Variants in CIMAP2 observed in about 807,000 individuals in gnomAD.
CIMAP2 encodes ciliary microtubule-associated protein 2.
the CIMAP2 span, chr1:54,811,765 G>GCCGGCGGGGGGGGGGGGCCCCCCC: frequency 7.7e-7 from 1 of 1,301,332 alleles, no homozygotes; most frequent in East Asian, 2.5e-5. Flanking sequence ...GGTTCTGACA[G>GCCGGCGGGGGGGGGGGGCCCCCCC]CCTCCATGCC....
chr1:54,811,773 G>GCCCTC, the CIMAP2 span: 3 of 1,325,052 alleles, frequency 2.3e-6, no homozygotes, highest in African/African-American at 1.8e-5. Flanking sequence ...CAGCCTCCAT[G>GCCCTC]CCCCCACCCC....
the CIMAP2 span, chr1:54,815,182 A>C: frequency 1.1e-5 from 14 of 1,239,226 alleles, no homozygotes; most frequent in Non-Finnish European, 1.6e-5. Context: ...CCTGAGGTCC[A>C]CTCCCACTGT....
chr1:54,828,340 C>A, the CIMAP2 span, among the ~76,000 whole-genome samples: 1 of 151,250 alleles, frequency 6.6e-6, no homozygotes, highest in South Asian at 2.1e-4. Context: ...TTTTTTTAGA[C>A]AGGGTCTTGC....
the CIMAP2 span, chr1:54,806,200 C>A: frequency 6.5e-7 from 1 of 1,543,532 alleles, no homozygotes; most frequent in Non-Finnish European, 8.7e-7. Flanking sequence ...CCGGGGCGCC[C>A]TTCGGGGTGC....
chr1:54,818,949 C>A, the CIMAP2 span, among the ~76,000 whole-genome samples: 1 of 152,076 alleles, frequency 6.6e-6, no homozygotes, highest in Non-Finnish European at 1.5e-5. Context: ...TTCTTTTGCC[C>A]CCTGTGTTGT....
At chr1:54,811,765 G>GCCGGCGGGGGGCCGCCCCCCCCCCCC in the CIMAP2 span, 1 of 1,301,330 alleles carries the variant, frequency 7.7e-7, no homozygotes, top group Non-Finnish European at 1.1e-6. Context: ...GGTTCTGACA[G>GCCGGCGGGGGGCCGCCCCCCCCCCCC]CCTCCATGCC....
At chr1:54,828,822 T>G in the CIMAP2 span, among the ~76,000 whole-genome samples, 2 of 152,180 alleles carry the variant, frequency 1.3e-5, no homozygotes, top group African/African-American at 4.8e-5. Flanking sequence ...CCTGAATAAC[T>G]GGATGAAAAG....
the CIMAP2 span, among the ~76,000 whole-genome samples, chr1:54,824,029 C>CT: frequency 1.3e-4 from 19 of 147,380 alleles, no homozygotes; most frequent in South Asian, 4.3e-4. Flanking sequence ...CTGTTTTGGA[C>CT]TTTTTTTTTT....
chr1:54,838,931 G>A, the CIMAP2 span, among the ~76,000 whole-genome samples: 19 of 64,060 alleles, frequency 3.0e-4, no homozygotes, highest in South Asian at 7.8e-3. Context: ...AGTGGGGCAG[G>A]GATTGGGGGG....
chr1:54,827,298 T>C, the CIMAP2 span, among the ~76,000 whole-genome samples: 5 of 152,182 alleles, frequency 3.3e-5, no homozygotes, highest in South Asian at 2.1e-4. Flanking sequence ...CTAGGGCAAG[T>C]ACCATGCCCA....
chr1:54,811,765 G>GCCGGCGGGCC, the CIMAP2 span: 1 of 1,301,330 alleles, frequency 7.7e-7, no homozygotes, highest in Non-Finnish European at 1.1e-6. Flanking sequence ...GGTTCTGACA[G>GCCGGCGGGCC]CCTCCATGCC....
the CIMAP2 span, chr1:54,811,773 G>GACCCCCCC: frequency 3.0e-6 from 4 of 1,325,050 alleles, no homozygotes; most frequent in East Asian, 2.5e-5. Context: ...CAGCCTCCAT[G>GACCCCCCC]CCCCCACCCC....
the CIMAP2 span, chr1:54,812,128 C>T: frequency 6.2e-7 from 1 of 1,614,226 alleles, no homozygotes; most frequent in East Asian, 2.2e-5. Context: ...ACCCGCGGCC[C>T]CTATGACACT....
chr1:54,817,015 C>T, the CIMAP2 span: 2 of 1,614,208 alleles, frequency 1.2e-6, no homozygotes, highest in Non-Finnish European at 1.7e-6. Context: ...GCCGCTACCT[C>T]AACACCTGGC....
At chr1:54,841,657 T>G in the CIMAP2 span, 1 of 1,613,214 alleles carries the variant, frequency 6.2e-7, no homozygotes, top group South Asian at 1.1e-5. Context: ...GTCATCAATT[T>G]TGGCCTCTCA....
the CIMAP2 span, among the ~76,000 whole-genome samples, chr1:54,830,793 G>T: frequency 6.6e-6 from 1 of 152,088 alleles, no homozygotes; most frequent in Non-Finnish European, 1.5e-5. The surrounding 1 kb of genome is among the most constrained non-coding windows in gnomAD (Gnocchi z 4.1). Context: ...TGGAGTCGGG[G>T]GATTCTTAGC....
At chr1:54,821,989 C>T in the CIMAP2 span, among the ~76,000 whole-genome samples, 1 of 100,002 alleles carries the variant, frequency 1.0e-5, no homozygotes, top group Non-Finnish European at 2.2e-5. Flanking sequence ...AGCTCCGCCT[C>T]CCGGGTTCAC....
the CIMAP2 span, among the ~76,000 whole-genome samples, chr1:54,827,207 C>T: frequency 6.6e-6 from 1 of 152,210 alleles, no homozygotes; most frequent in East Asian, 1.9e-4. Context: ...ACAGAGCTGG[C>T]ACTAGAATCT....
chr1:54,809,098 T>C, the CIMAP2 span, among the ~76,000 whole-genome samples: 2 of 112,790 alleles, frequency 1.8e-5, no homozygotes, highest in African/African-American at 6.4e-5. Flanking sequence ...TAAGTATTTG[T>C]GGACTGAATA....
Sources: gnomAD v4.1 joint callset for allele counts (sites outside exome capture counted in the v4.1 genomes callset) on GRCh38, gnomAD v4.1.1 for gene constraint, Gnocchi (gnomAD v3.1) non-coding constraint, MANE v1.5 for transcripts, NCBI Gene and HGNC (gene_info 2026-07-23, HGNC 2026-07-21) for gene names.